Variants in RHBDL2 observed in about 807,000 individuals in gnomAD.
The protein encoded by RHBDL2 is rhomboid-related protein 2.
RHBDL2 carries 26 observed loss-of-function variants against 31.7 expected under a neutral mutation model. The observed-to-expected ratio is 0.82, with a 90% CI of 0.60 to 1.14. The LOEUF (loss-of-function observed/expected upper bound fraction) is 1.14, where lower values mean the gene tolerates loss of function less well. Ranked by LOEUF, RHBDL2 falls within the 50% of genes most tolerant of loss-of-function variation. The pLI, the probability that RHBDL2 is intolerant of heterozygous loss-of-function variation, is 0.00. For synonymous variants in RHBDL2, 123 were observed against 127.2 expected (o/e 0.97, Z 0.22); for missense variants, 336 against 364.4 (o/e 0.92, Z 0.63).
chr1:38,886,666 G>C lies in RHBDL2; in HGVS notation c.750C>G (p.His250Gln). Residue 250 changes from histidine (H) to glutamine (Q), a missense_variant, in exon 8 of 8, where the codon CAC becomes CAG. Physicochemically the swap from His to Gln is conservative, Grantham distance 24 (BLOSUM62 0). Coordinates refer to ENST00000372990, the MANE Select transcript of RHBDL2 (RefSeq NM_017821.5). ...ACATTCCAGCAAATCCACCTGCAAT[G>C]TGAGCTGCAAAAGACACCTTGGGAG... ...EDGSPVSFAA[H>Q]IAGGFAGMSI... The C allele has an allele frequency of 6.4e-7, 1 of 1,563,372 alleles. No homozygotes were observed. Among genetic ancestry groups the C allele is most frequent in the Non-Finnish European group, 8.7e-7 (1 of 1,149,840 alleles).
At position 38,922,605 on chromosome 1, in the gene RHBDL2, T is replaced by C. The variant is rs945621690; in HGVS notation, c.-125-3268A>G. Among the ~76,000 whole-genome samples the C allele has an allele frequency of 9.7e-5, 13 of 133,836 alleles. No individual in the cohort carries two copies. The East Asian group carries it at 2.7e-3, about 28-fold the overall frequency. 87.8% of individuals were successfully genotyped at this position (133,836 alleles called of 152,430 possible). A position where few individuals can be genotyped will look rare whatever the true frequency, so the allele number is the denominator to read the frequency against. ...TCTCAATTACTATCATCCTCCAACT[T>C]CCATACCTCTCCACCCTGTTTCCTG... On this transcript the variant is annotated intron_variant, in intron 1 of 7. Transcript: ENST00000372990.
At chr1:38,908,136 C>A (rs1261590052) in intron 4 of RHBDL2, among the ~76,000 whole-genome samples, 1 of 135,006 alleles carries the variant, frequency 7.4e-6, no homozygotes, top group Admixed American at 7.7e-5. Context: ...TTCAACAATG[C>A]ATCTCAGAAT....
chr1:38,896,112 T>A, intron 4 of RHBDL2, 43 bp from the exon 5 acceptor site: 1 of 1,387,398 alleles, frequency 7.2e-7, no homozygotes, highest in Non-Finnish European at 1.0e-6. Flanking sequence ...ACTATACGGA[T>A]CAGGAAAGAT....
intron 2 of RHBDL2, among the ~76,000 whole-genome samples, chr1:38,916,108 C>T (rs1643232093): frequency 6.6e-6 from 1 of 152,168 alleles, no homozygotes; most frequent in African/African-American, 2.4e-5. Context: ...AATAATAGAG[C>T]AGGGAAAGGG....
At chr1:38,941,238 G>A (rs1217017856) in intron 1 of RHBDL2, among the ~76,000 whole-genome samples, 1 of 152,182 alleles carries the variant, frequency 6.6e-6, no homozygotes, top group Non-Finnish European at 1.5e-5. Flanking sequence ...GCCGCCTTGC[G>A]GGTAGAAGTG....
chr1:38,894,377 C>T (rs1351906788), intron 5 of RHBDL2, among the ~76,000 whole-genome samples: 1 of 152,150 alleles, frequency 6.6e-6, no homozygotes, highest in Non-Finnish European at 1.5e-5. Flanking sequence ...GGCTGGAGTG[C>T]AGTGGCACAA....
intron 5 of RHBDL2, 108 bp from the exon 6 acceptor site, chr1:38,893,332 A>G (rs1474503766): frequency 8.8e-6 from 5 of 568,746 alleles, no homozygotes; most frequent in Non-Finnish European, 1.6e-5. Flanking sequence ...TCCAGTATCA[A>G]ATATTTGCAA....
chr1:38,920,507 G>A (rs1444568857), intron 1 of RHBDL2, among the ~76,000 whole-genome samples: 1 of 151,364 alleles, frequency 6.6e-6, no homozygotes, highest in African/African-American at 2.4e-5. Flanking sequence ...CTATTGCATT[G>A]TATAGACACG....
rs78256439 is a variant in RHBDL2 at position 38,930,699 on chromosome 1, G to A, written c.-126+10983C>T. Among the ~76,000 whole-genome samples, 371 of 152,332 alleles carry A rather than the reference G, an allele frequency of 2.4e-3. 2 individuals are homozygous for A. The highest frequency in any genetic ancestry group is 8.7e-3 in the African/African-American group (362 of 41,584). On this transcript the variant is annotated intron_variant, in intron 1 of 7. Coordinates refer to ENST00000372990, the MANE Select transcript of RHBDL2 (RefSeq NM_017821.5). ...ACCTAGCACACCAGAGCACAGGGCT[G>A]AAGGAAAACAGTGACCCTGAGCCAC... is the stretch of plus-strand genomic sequence containing the variant.
At chr1:38,894,707 C>CTTTTTTTTT (rs71057159) in intron 5 of RHBDL2, among the ~76,000 whole-genome samples, 16 of 114,182 alleles carry the variant, frequency 1.4e-4, no homozygotes, top group Non-Finnish European at 1.8e-4. Flanking sequence ...CTTTTTTTTT[C>CTTTTTTTTT]TTTTTTTTTT....
rs1334712437 is a variant in RHBDL2, at chr1:38,886,584, A to G, written c.832T>C (p.Phe278Leu). ...FDKALLKDPR[F>L]WIAIAAYLAC... ...AAATATGCAGCAATTGCTATCCAAAACCTTGGATCTTTCAGCAGTGCTTTA... is the reference window on the plus strand; with the variant it reads ...AAATATGCAGCAATTGCTATCCAAAGCCTTGGATCTTTCAGCAGTGCTTTA... The change falls in exon 8 of 8, where the codon TTT becomes CTT. Residue 278 changes from phenylalanine (F) to leucine (L), a missense_variant. Physicochemically the swap from Phe to Leu is conservative, Grantham distance 22. Transcript: ENST00000372990. 3.1e-6 allele frequency: 5 copies of G among 1,608,124 alleles called. No homozygotes were observed. Among genetic ancestry groups the G allele is most frequent in the Non-Finnish European group, 4.3e-6 (5 of 1,176,454 alleles).
chr1:38,893,382 T>G (rs1464136811), intron 5 of RHBDL2, among the ~76,000 whole-genome samples, 158 bp from the exon 6 acceptor site: 3 of 152,334 alleles, frequency 2.0e-5, no homozygotes, highest in Middle Eastern at 6.8e-3. Flanking sequence ...TTAAATGTAT[T>G]TGGGAAGTAC....
intron 4 of RHBDL2, among the ~76,000 whole-genome samples, chr1:38,904,824 T>G (rs61780051): frequency 4.9e-5 from 7 of 143,416 alleles, no homozygotes; most frequent in African/African-American, 1.3e-4. Context: ...GAGGTCAGGA[T>G]ATCGAGACCA....
At chr1:38,910,065 C>T (rs185518903) in intron 4 of RHBDL2, among the ~76,000 whole-genome samples, 10 of 152,204 alleles carry the variant, frequency 6.6e-5, no homozygotes, top group South Asian at 2.1e-4. Flanking sequence ...GATGAATCCC[C>T]GGAGAATTAT....
chr1:38,910,802 C>T (rs918795063), intron 4 of RHBDL2, among the ~76,000 whole-genome samples: 5 of 140,560 alleles, frequency 3.6e-5, no homozygotes, highest in East Asian at 2.1e-4. Context: ...GACAGAGTCT[C>T]GCTCTGTTGC....
intron 1 of RHBDL2, chr1:38,929,358 G>A: frequency 7.9e-7 from 1 of 1,264,370 alleles, no homozygotes; most frequent in South Asian, 1.2e-5. Flanking sequence ...AAAAGGATTT[G>A]CCTCTTTGAG....
intron 1 of RHBDL2, 58 bp from the exon 2 acceptor site, chr1:38,919,395 G>A: frequency 2.1e-6 from 3 of 1,447,530 alleles, no homozygotes; most frequent in South Asian, 3.0e-5. Context: ...CTCCTAAATG[G>A]CCCAAAATAA....
chr1:38,928,635 G>A (rs1004127320), intron 1 of RHBDL2, among the ~76,000 whole-genome samples: 4 of 150,764 alleles, frequency 2.7e-5, no homozygotes, highest in African/African-American at 9.8e-5. Flanking sequence ...TAGTAGAGAT[G>A]GGGTTTCTCC....
At chr1:38,925,850 G>A in intron 1 of RHBDL2, 1 of 680,868 alleles carries the variant, frequency 1.5e-6, no homozygotes. Flanking sequence ...ACAGTCATGT[G>A]AGATATCCAG....
Sources: allele counts gnomAD v4.1 joint callset (sites outside exome capture counted in the v4.1 genomes callset), GRCh38; gene constraint gnomAD v4.1.1; transcripts MANE v1.5; gene names NCBI Gene and HGNC (gene_info 2026-07-23, HGNC 2026-07-21).